CDH2: variants seen among roughly 807,000 people sequenced by gnomAD.
The protein encoded by CDH2 is cadherin 2.
A neutral mutation model predicts 92.0 loss-of-function variants in CDH2; 17 were observed. That is an observed-to-expected ratio of 0.18 (90% confidence interval 0.13 to 0.28). CDH2 has a LOEUF of 0.28. Among genes scored for constraint, CDH2 ranks in the 10% least tolerant of loss-of-function variants. The pLI is 1.00. For synonymous variants in CDH2, 419 were observed against 415.9 expected, an observed-to-expected ratio of 1.01 and a Z score of -0.09; for missense variants, 862 against 1,133.1, an observed-to-expected ratio of 0.76 and a Z score of 3.44.
chr18:28,057,297 C>T (rs1216676351), intron 2 of CDH2, among the ~76,000 whole-genome samples: 1 of 152,050 alleles, frequency 6.6e-6, no homozygotes, highest in Non-Finnish European at 1.5e-5. Flanking sequence ...TATTTAAATA[C>T]CAAGGAAATG....
intron 2 of CDH2, among the ~76,000 whole-genome samples, chr18:28,120,038 G>A (rs17494781): frequency 0.013 from 2,005 of 152,138 alleles, 48 homozygotes; most frequent in African/African-American, 0.046. Flanking sequence ...ATGGTTACAT[G>A]TGAGAGAAAT....
At chr18:28,044,850 CGTGT>C (rs68093312) in intron 2 of CDH2, among the ~76,000 whole-genome samples, 14,546 of 148,404 alleles carry the variant, frequency 0.098, 904 homozygotes, top group African/African-American at 0.18. Context: ...TATATAACAT[CGTGT>C]GTGTGTGTGT....
intron 1 of CDH2, among the ~76,000 whole-genome samples, 188 bp downstream of exon 1, chr18:28,176,775 C>T (rs981428929): frequency 1.3e-5 from 2 of 151,566 alleles, no homozygotes; most frequent in Non-Finnish European, 2.9e-5. Context: ...GCCCCGGCAA[C>T]CCTGCCCCGG....
intron 15 of CDH2, among the ~76,000 whole-genome samples, chr18:27,961,081 C>T (rs1164189479): frequency 6.6e-6 from 1 of 151,214 alleles, no homozygotes; most frequent in Non-Finnish European, 1.5e-5. Flanking sequence ...CAAACAAACA[C>T]ACACTCAAAC....
rs67532914 is a variant in CDH2 at position 28,043,890 on chromosome 18, A to ATTTTTTTTTTTTTTT, written c.173-29996_173-29982dup. On this transcript the variant is annotated intron_variant, in intron 2 of 15. Coordinates refer to ENST00000269141, the MANE Select transcript of CDH2 (RefSeq NM_001792.5). ...AGTCTCATCTTTCTCAGAATCTCGG[A>ATTTTTTTTTTTTTTT]TTTTTTTTTTTTTTTTTTTTTTTTT... 2.4e-4 allele frequency among the ~76,000 whole-genome samples: 22 copies of ATTTTTTTTTTTTTTT among 91,466 alleles called. 4 individuals carry two copies. Among genetic ancestry groups the ATTTTTTTTTTTTTTT allele is most frequent in the Non-Finnish European group, 3.9e-4 (18 of 46,004 alleles). 60.0% of individuals were successfully genotyped at this position (91,466 alleles called of 152,430 possible). A position where few individuals can be genotyped will look rare whatever the true frequency, so the allele number is the denominator to read the frequency against.
chr18:27,963,666 G>T, intron 14 of CDH2, 145 bp from the exon 15 acceptor site: 1 of 633,428 alleles, frequency 1.6e-6, no homozygotes. Context: ...AGTTTTTCAT[G>T]TTATGATTAA....
chr18:28,090,075 CAATT>C (rs2144209554), intron 2 of CDH2, among the ~76,000 whole-genome samples: 1 of 152,270 alleles, frequency 6.6e-6, no homozygotes, highest in South Asian at 2.1e-4. Context: ...ACTTGGAGAT[CAATT>C]AGTCTGGTGG....
chr18:28,144,683 T>C (rs1316228646), intron 2 of CDH2, among the ~76,000 whole-genome samples: 1 of 152,118 alleles, frequency 6.6e-6, no homozygotes, highest in African/African-American at 2.4e-5. Context: ...AAGCAGAATC[T>C]GGTTTTGCTA....
intron 2 of CDH2, among the ~76,000 whole-genome samples, chr18:28,039,162 TCTC>T (rs2013898310): frequency 6.6e-6 from 1 of 152,124 alleles, no homozygotes; most frequent in Non-Finnish European, 1.5e-5. Flanking sequence ...CCTTCATTTC[TCTC>T]CTTTCCACAG....
intron 2 of CDH2, among the ~76,000 whole-genome samples, chr18:28,095,821 A>AAAAG (rs2015124440): frequency 1.3e-5 from 2 of 151,444 alleles, no homozygotes; most frequent in Non-Finnish European, 1.5e-5. Context: ...AAAAAAAAAA[A>AAAAG]AAAAGAAAGA....
chr18:28,028,909 C>T (rs1258326014), intron 2 of CDH2, among the ~76,000 whole-genome samples: 1 of 152,086 alleles, frequency 6.6e-6, no homozygotes. Flanking sequence ...AAAGCAATGA[C>T]ATGAAATCTT....
chr18:27,965,356 G>A (rs1326127681), intron 14 of CDH2, among the ~76,000 whole-genome samples: 1 of 152,242 alleles, frequency 6.6e-6, no homozygotes, highest in African/African-American at 2.4e-5. Context: ...CGGAAAGCGA[G>A]GTAGGTATAG....
At chr18:27,986,969 A>G (rs539196729) in intron 11 of CDH2, among the ~76,000 whole-genome samples, 15 of 152,360 alleles carry the variant, frequency 9.8e-5, no homozygotes, top group African/African-American at 3.6e-4. Context: ...CTAATCATTA[A>G]CGAACAGAGC....
At chr18:28,043,473 T>TATAA (rs2013996619) in intron 2 of CDH2, among the ~76,000 whole-genome samples, 1 of 79,420 alleles carries the variant, frequency 1.3e-5, no homozygotes, top group African/African-American at 4.5e-5. Flanking sequence ...TATATATATA[T>TATAA]ATATATATAT....
chr18:28,040,183 G>C (rs1308102229), intron 2 of CDH2, among the ~76,000 whole-genome samples: 1 of 152,074 alleles, frequency 6.6e-6, no homozygotes, highest in South Asian at 2.1e-4. Flanking sequence ...TGGCATGCTG[G>C]GGTCCTAACC....
intron 2 of CDH2, among the ~76,000 whole-genome samples, chr18:28,023,687 GTTTGT>G (rs1455294809): frequency 6.6e-6 from 1 of 152,064 alleles, no homozygotes; most frequent in Non-Finnish European, 1.5e-5. Context: ...ATCTACAGAA[GTTTGT>G]TTTGATTTGC....
intron 2 of CDH2, among the ~76,000 whole-genome samples, chr18:28,107,077 A>G (rs1314137199): frequency 6.6e-6 from 1 of 152,176 alleles, no homozygotes; most frequent in African/African-American, 2.4e-5. Context: ...AGGCAAAACT[A>G]AAATATACTA....
chr18:28,149,422 T>C (rs142233177), intron 1 of CDH2, among the ~76,000 whole-genome samples: 57 of 152,344 alleles, frequency 3.7e-4, no homozygotes, highest in African/African-American at 1.3e-3. Flanking sequence ...TTTCTTTAAG[T>C]TCCATGTATG....
chr18:28,175,176 G>C (rs1568027693), intron 1 of CDH2, among the ~76,000 whole-genome samples: 1 of 152,188 alleles, frequency 6.6e-6, no homozygotes, highest in South Asian at 2.1e-4. Flanking sequence ...TTTTATAACA[G>C]GAGGTACTTT....
Sources: gnomAD v4.1 joint callset for allele counts (sites outside exome capture counted in the v4.1 genomes callset) on GRCh38, gnomAD v4.1.1 for gene constraint, MANE v1.5 for transcripts, NCBI Gene and HGNC (gene_info 2026-07-23, HGNC 2026-07-21) for gene names.